The following CLDN10 variants were observed in gnomAD, a reference collection of about 807,000 sequenced individuals.
The protein encoded by CLDN10 is claudin 10.
Under a neutral mutation model 22.9 loss-of-function variants are expected in CLDN10, and 15 were observed. The ratio of observed to expected loss-of-function variants is 0.65; its 90% CI spans 0.44 to 1.01. The LOEUF (loss-of-function observed/expected upper bound fraction) is 1.01, where lower values mean the gene tolerates loss of function less well. Ranked by LOEUF, CLDN10 falls within the 50% of genes least tolerant of loss-of-function variation. CLDN10 has a pLI of 0.00. For synonymous variants in CLDN10, 114 were observed against 111.4 expected (o/e 1.02, Z -0.15); for missense variants, 247 against 287.8 (o/e 0.86, Z 1.03).
At chr13:95,553,094 C>G in intron 1 of CLDN10, 121 bp downstream of exon 1, 1 of 1,343,432 alleles carries the variant, frequency 7.4e-7, no homozygotes, top group Non-Finnish European at 1.0e-6. Flanking sequence ...GAGGCCCGAC[C>G]CGTCTCTCCC....
intron 1 of CLDN10, among the ~76,000 whole-genome samples, chr13:95,499,087 C>A (rs146809268): frequency 1.3e-5 from 2 of 152,200 alleles, no homozygotes; most frequent in African/African-American, 4.8e-5. Flanking sequence ...AACATTCCAT[C>A]GTATGGATAG....
intron 3 of CLDN10, among the ~76,000 whole-genome samples, chr13:95,572,240 G>A (rs985092800): frequency 2.6e-5 from 4 of 152,226 alleles, no homozygotes; most frequent in African/African-American, 4.8e-5. Flanking sequence ...AGACAACTCC[G>A]ATCTTTCTGA....
At chr13:95,519,911 C>T (rs34472875) in intron 1 of CLDN10, among the ~76,000 whole-genome samples, 14,978 of 152,194 alleles carry the variant, frequency 0.098, 907 homozygotes, top group Middle Eastern at 0.12. Flanking sequence ...ATGGAAATCA[C>T]CCATGAAAAT....
chr13:95,503,586 A>G (rs192374109), intron 1 of CLDN10, among the ~76,000 whole-genome samples: 107 of 152,324 alleles, frequency 7.0e-4, no homozygotes, highest in Non-Finnish European at 1.2e-3. Flanking sequence ...CATGGAAGAA[A>G]CCCAAGTGTC....
intron 1 of CLDN10, among the ~76,000 whole-genome samples, chr13:95,490,426 C>G (rs918191707): frequency 3.8e-4 from 58 of 152,118 alleles, no homozygotes; most frequent in African/African-American, 1.3e-3. Context: ...CTTGAAGAGG[C>G]CTTTCGACTC....
chr13:95,529,347 G>A (rs922240447), intron 1 of CLDN10, among the ~76,000 whole-genome samples: 1 of 151,548 alleles, frequency 6.6e-6, no homozygotes, highest in Non-Finnish European at 1.5e-5. Context: ...CTTCTAGTTA[G>A]GAGTAAGATT....
At chr13:95,559,259 C>A (rs920736778) in intron 1 of CLDN10, among the ~76,000 whole-genome samples, 1 of 152,016 alleles carries the variant, frequency 6.6e-6, no homozygotes, top group African/African-American at 2.4e-5. Context: ...TAGTTTAAAC[C>A]CTGTTAATGT....
Position 95,577,901 on chromosome 13 carries a change from T to C in CLDN10, c.574T>C (p.Tyr192His), listed in dbSNP as rs1344285536. Residue 192 changes from tyrosine to histidine, a missense_variant and splice_region_variant, in exon 5 of 5, where the codon TAC (tyrosine) becomes CAC (histidine). Coordinates refer to ENST00000299339, the MANE Select transcript of CLDN10 (RefSeq NM_006984.5). Reference protein sequence around the residue: ...SISDNNKTPRYTYNGATSVMS... With the variant: ...SISDNNKTPRHTYNGATSVMS... ...ACCAAACTATGTTTTACCTTTCAGA[T>C]ACACATACAACGGGGCCACATCTGT... The C allele has an allele frequency of 1.9e-6, 3 of 1,602,048 alleles. No homozygotes were observed. In the South Asian group the frequency reaches 3.3e-5, roughly 18 times the overall value.
intron 1 of CLDN10, among the ~76,000 whole-genome samples, chr13:95,477,107 C>T (rs1428373215): frequency 2.0e-5 from 3 of 152,128 alleles, no homozygotes; most frequent in African/African-American, 7.2e-5. Flanking sequence ...GATGATGACT[C>T]TCACTGAAGA....
At chr13:95,561,422 T>C (rs1252197105) in intron 3 of CLDN10, among the ~76,000 whole-genome samples, 3 of 152,226 alleles carry the variant, frequency 2.0e-5, no homozygotes, top group African/African-American at 7.2e-5. Context: ...GCTTATATCA[T>C]GAAATAAAAT....
At chr13:95,523,208 T>C (rs1466219235) in intron 1 of CLDN10, among the ~76,000 whole-genome samples, 1 of 152,176 alleles carries the variant, frequency 6.6e-6, no homozygotes. Flanking sequence ...ACTCTTTTAC[T>C]AGTCTCTTAG....
At chr13:95,543,085 A>T (rs1341730652) in intron 1 of CLDN10, among the ~76,000 whole-genome samples, 1 of 152,150 alleles carries the variant, frequency 6.6e-6, no homozygotes, top group Non-Finnish European at 1.5e-5. Context: ...TATAAAAATT[A>T]GCCAAGCATA....
chr13:95,573,009 A>G (rs1275198087), intron 3 of CLDN10, among the ~76,000 whole-genome samples: 1 of 152,230 alleles, frequency 6.6e-6, no homozygotes, highest in East Asian at 1.9e-4. Flanking sequence ...ATCAGAATCA[A>G]GGTCTCCAGG....
intron 1 of CLDN10, among the ~76,000 whole-genome samples, chr13:95,439,362 TGAGACTGAGTC>T (rs2042303204): frequency 6.6e-6 from 1 of 151,536 alleles, no homozygotes. Context: ...TTTTTTTTTT[TGAGACTGAGTC>T]TTGTTCTATT....
At chr13:95,481,910 T>C (rs886216749) in intron 1 of CLDN10, among the ~76,000 whole-genome samples, 1 of 151,958 alleles carries the variant, frequency 6.6e-6, no homozygotes, top group Non-Finnish European at 1.5e-5. Flanking sequence ...TCCCAGTAAC[T>C]TGGGAGGCTG....
chr13:95,445,221 G>A (rs776302096), intron 1 of CLDN10, among the ~76,000 whole-genome samples: 1 of 152,226 alleles, frequency 6.6e-6, no homozygotes, highest in African/African-American at 2.4e-5. Flanking sequence ...GCAAGTGCAT[G>A]CAGGAACAGG....
chr13:95,525,532 G>A (rs773570625), intron 1 of CLDN10, among the ~76,000 whole-genome samples: 13 of 151,712 alleles, frequency 8.6e-5, no homozygotes, highest in Non-Finnish European at 1.8e-4. Context: ...TTGCTCTATC[G>A]CCCAGGCTGG....
intron 3 of CLDN10, among the ~76,000 whole-genome samples, chr13:95,565,605 A>G (rs1263308971): frequency 6.6e-6 from 1 of 152,202 alleles, no homozygotes; most frequent in African/African-American, 2.4e-5. Context: ...TTTAGTAGTT[A>G]GAAATAAACA....
chr13:95,474,978 A>G (rs1174194478), intron 1 of CLDN10, among the ~76,000 whole-genome samples: 2 of 152,084 alleles, frequency 1.3e-5, no homozygotes, highest in East Asian at 1.9e-4. Flanking sequence ...TACGTCTCAC[A>G]TCTTGGTGGA....
Sources: allele counts gnomAD v4.1 joint callset (sites outside exome capture counted in the v4.1 genomes callset), GRCh38; gene constraint gnomAD v4.1.1; transcripts MANE v1.5; gene names NCBI Gene and HGNC (gene_info 2026-07-23, HGNC 2026-07-21).